The following CIB1 variants were observed in gnomAD, a reference collection of about 807,000 sequenced individuals.
The protein encoded by CIB1 is calcium and integrin binding 1.
A neutral mutation model predicts 25.0 loss-of-function variants in CIB1; 19 were observed. That is an observed-to-expected ratio of 0.76 (90% CI 0.53 to 1.12). The LOEUF (loss-of-function observed/expected upper bound fraction) is 1.12, where lower values mean the gene tolerates loss of function less well. Among genes scored for constraint, CIB1 ranks in the 50% most tolerant of loss-of-function variants. The pLI is 0.00. For missense variants in CIB1, 236 were observed against 242.6 expected, an observed-to-expected ratio of 0.97 and a Z score of 0.18; for synonymous variants, 104 against 98.5, an observed-to-expected ratio of 1.06 and a Z score of -0.33.
At chr15:90,236,938 CT>C (rs1962647704), upstream of CIB1, among the ~76,000 whole-genome samples, 1 of 151,902 alleles carries the variant, frequency 6.6e-6, no homozygotes, top group African/African-American at 2.4e-5. Flanking sequence ...TAAAACCGAG[CT>C]GCTGATATAC....
chr15:90,250,496 A>T, the CIB1 span: 1 of 1,096,096 alleles, frequency 9.1e-7, no homozygotes, highest in Non-Finnish European at 1.3e-6. Context: ...TTTGTCCTGA[A>T]GGGGCAGCAA....
the CIB1 span, chr15:90,265,381 G>A: frequency 7.3e-6 from 9 of 1,241,104 alleles, no homozygotes; most frequent in Non-Finnish European, 9.1e-6. Flanking sequence ...CCTGCCCACC[G>A]AGGTGGCGGA....
At chr15:90,237,909 G>T (rs1489443364), upstream of CIB1, among the ~76,000 whole-genome samples, 1 of 152,114 alleles carries the variant, frequency 6.6e-6, no homozygotes, top group Non-Finnish European at 1.5e-5. Flanking sequence ...GTGAGAATAA[G>T]ATACTACATT....
At chr15:90,238,004 T>C (rs561538443), upstream of CIB1, among the ~76,000 whole-genome samples, 2 of 152,308 alleles carry the variant, frequency 1.3e-5, no homozygotes, top group African/African-American at 4.8e-5. Flanking sequence ...TTAGCTTCAC[T>C]TTTAAACATT....
the CIB1 span, chr15:90,259,084 C>G: frequency 2.1e-6 from 3 of 1,441,816 alleles, no homozygotes; most frequent in South Asian, 4.2e-5. Context: ...ATCACAGGAC[C>G]AGGCTTGGTG....
chr15:90,250,639 G>A, the CIB1 span: 6 of 1,613,012 alleles, frequency 3.7e-6, no homozygotes, highest in Admixed American at 5.0e-5. Context: ...GAATGGAGCC[G>A]AGTACCTGTA....
the CIB1 span, among the ~76,000 whole-genome samples, chr15:90,252,830 C>T: frequency 6.6e-6 from 1 of 152,116 alleles, no homozygotes; most frequent in Non-Finnish European, 1.5e-5. Flanking sequence ...TGGTAAAACC[C>T]CGTCTCTACT....
chr15:90,245,481 A>AAAAAG, the CIB1 span: 2 of 152,022 alleles, frequency 1.3e-5, no homozygotes, highest in Admixed American at 6.6e-5. Flanking sequence ...TCAAAAAAAA[A>AAAAAG]AAAAAAGAAA....
intron 2 of CIB1, 132 bp downstream of exon 2, chr15:90,233,537 A>C: frequency 2.6e-6 from 3 of 1,164,880 alleles, no homozygotes; most frequent in Non-Finnish European, 3.8e-6. Context: ...AGCCCGGGCT[A>C]GGTCTCCCGG....
At chr15:90,240,462 C>T in the CIB1 span, among the ~76,000 whole-genome samples, 4 of 151,282 alleles carry the variant, frequency 2.6e-5, no homozygotes, top group East Asian at 3.9e-4. Flanking sequence ...GAGCCAAGAT[C>T]GCGCCACTGC....
chr15:90,265,460 A>G, the CIB1 span: 4 of 1,349,564 alleles, frequency 3.0e-6, no homozygotes, highest in Non-Finnish European at 3.8e-6. Flanking sequence ...TACTTTAATT[A>G]AAGTTTATGC....
At chr15:90,231,535 G>A (rs751067207) in intron 3 of CIB1, 28 bp from the exon 4 acceptor site, 3 of 1,609,334 alleles carry the variant, frequency 1.9e-6, no homozygotes, top group Admixed American at 3.4e-5. Flanking sequence ...ACAGGACGTG[G>A]CCCAGGTCAC....
chr15:90,262,637 T>C, the CIB1 span: 16 of 1,511,312 alleles, frequency 1.1e-5, no homozygotes, highest in Admixed American at 2.3e-5. Flanking sequence ...TTCCACCCAC[T>C]TGGCTTACAG....
the CIB1 span, chr15:90,257,099 A>G: frequency 6.3e-7 from 1 of 1,594,586 alleles, no homozygotes; most frequent in South Asian, 1.2e-5. Flanking sequence ...AGGCACTTCA[A>G]AAGTGTTATT....
the CIB1 span, chr15:90,263,793 G>A: frequency 1.4e-6 from 1 of 705,514 alleles, no homozygotes; most frequent in South Asian, 1.5e-5. Context: ...CTATGAGTCT[G>A]GTCCTACTGG....
chr15:90,233,620 G>A (rs369645194), intron 2 of CIB1, 49 bp downstream of exon 2: 52 of 1,554,476 alleles, frequency 3.3e-5, no homozygotes, highest in Non-Finnish European at 4.3e-5. Context: ...CCCCGAAGCT[G>A]TCTCTAGAGG....
chr15:90,249,238 G>T, the CIB1 span, among the ~76,000 whole-genome samples: 1 of 138,868 alleles, frequency 7.2e-6, no homozygotes, highest in Non-Finnish European at 1.5e-5. Context: ...AAAAAAAAAA[G>T]GGAGAATTGA....
chr15:90,264,001 T>A, the CIB1 span: 6 of 1,535,978 alleles, frequency 3.9e-6, no homozygotes, highest in Non-Finnish European at 4.4e-6. Flanking sequence ...CTGTTCATTG[T>A]CAATGAAGAA....
the CIB1 span, chr15:90,241,037 G>T: frequency 6.2e-7 from 1 of 1,614,114 alleles, no homozygotes; most frequent in Non-Finnish European, 8.5e-7. Flanking sequence ...GGATTCAGTG[G>T]CCAAGGAATG....
Sources: gnomAD v4.1 joint callset for allele counts (sites outside exome capture counted in the v4.1 genomes callset) on GRCh38, gnomAD v4.1.1 for gene constraint, MANE v1.5 for transcripts, NCBI Gene and HGNC (gene_info 2026-07-23, HGNC 2026-07-21) for gene names.